The following PTPRR variants were observed in gnomAD, a reference collection of about 807,000 sequenced individuals.
PTPRR encodes the protein protein tyrosine phosphatase receptor type R.
PTPRR carries 38 observed loss-of-function variants against 77.2 expected under a neutral mutation model. That is an observed-to-expected ratio of 0.49 (90% confidence interval 0.38 to 0.65). PTPRR has a LOEUF of 0.65. PTPRR is among the 30% of genes least tolerant of loss of function. The pLI is 0.00. For synonymous variants in PTPRR, 299 were observed against 283.1 expected (o/e 1.06, Z -0.57); for missense variants, 744 against 799.2 (o/e 0.93, Z 0.83).
At chr12:70,654,452 G>A (rs1457617741) in intron 13 of PTPRR, among the ~76,000 whole-genome samples, 1 of 152,056 alleles carries the variant, frequency 6.6e-6, no homozygotes, top group Non-Finnish European at 1.5e-5. Flanking sequence ...GCACACGCTT[G>A]TACTCCCAGG....
chr12:70,818,169 G>T (rs11178443), intron 2 of PTPRR, among the ~76,000 whole-genome samples: 13,599 of 149,728 alleles, frequency 0.091, 1,051 homozygotes, highest in East Asian at 0.41. Flanking sequence ...TTGAAATGCA[G>T]AGGTTGCAGT....
Position 70,701,267 on chromosome 12 carries a change from G to A in PTPRR, c.1064C>T (p.Pro355Leu), listed in dbSNP as rs1338627891. 2.5e-6 allele frequency: 4 copies of A among 1,613,714 alleles called. No homozygotes were observed. The highest frequency in any genetic ancestry group is 2.7e-5 in the African/African-American group (2 of 74,882). Reference sequence around the variant, plus strand: ...CCGTGGTGTTGGTATAGACACAAAGGGTTCAATGTTCCCCAAGCTACTCAT... The same window carrying A: ...CCGTGGTGTTGGTATAGACACAAAGAGTTCAATGTTCCCCAAGCTACTCAT... ...LDMSSLGNIE[P>L]FVSIPTPREK... Residue 355 changes from proline (P) to leucine (L), a missense_variant, in exon 7 of 14, where the codon CCC (proline) becomes CTC (leucine). By Grantham distance (98) the Pro-to-Leu change is moderately conservative. This residue lies in a region of PTPRR where 570 missense variants were observed against 573.2 expected (regional missense o/e 0.99). Coordinates refer to ENST00000283228, the MANE Select transcript of PTPRR (RefSeq NM_002849.4).
At position 70,825,022 on chromosome 12, in the gene PTPRR, C is replaced by T. The variant is rs142442740; in HGVS notation, c.358-60244G>A. ...AAGTTAGGCTGGGCGCGTTGGCTCA[C>T]GCCTGTAATCCCAGCACTTTGGGAG... is the stretch of plus-strand genomic sequence containing the variant. On this transcript the variant is annotated intron_variant, in intron 2 of 13. Transcript: ENST00000283228. 7.1e-3 allele frequency among the ~76,000 whole-genome samples: 1,084 copies of T among 152,258 alleles called. 14 individuals carry two copies. Among genetic ancestry groups the T allele is most frequent in the African/African-American group, 0.025 (1,035 of 41,518 alleles).
At chr12:70,706,643 A>G (rs1244483198) in intron 6 of PTPRR, among the ~76,000 whole-genome samples, 1 of 152,078 alleles carries the variant, frequency 6.6e-6, no homozygotes, top group East Asian at 1.9e-4. Context: ...AAGATGTCTG[A>G]CCTTTTATAT....
intron 6 of PTPRR, among the ~76,000 whole-genome samples, chr12:70,715,259 G>A (rs1297256177): frequency 6.6e-6 from 1 of 152,098 alleles, no homozygotes; most frequent in Non-Finnish European, 1.5e-5. Context: ...CAAAAGGGGA[G>A]GGAGTATACG....
At chr12:70,852,906 C>T (rs983161598) in intron 2 of PTPRR, among the ~76,000 whole-genome samples, 3 of 152,118 alleles carry the variant, frequency 2.0e-5, no homozygotes, top group African/African-American at 7.2e-5. Flanking sequence ...GTGTGCATGC[C>T]TTATGATTTA....
intron 8 of PTPRR, among the ~76,000 whole-genome samples, chr12:70,695,057 C>A (rs552120872): frequency 3.3e-5 from 5 of 152,050 alleles, no homozygotes; most frequent in Non-Finnish European, 7.4e-5. Flanking sequence ...GCCAAGATAA[C>A]ACTGTCATTA....
intron 6 of PTPRR, among the ~76,000 whole-genome samples, chr12:70,731,153 G>T (rs1200493724): frequency 1.9e-5 from 2 of 103,192 alleles, no homozygotes; most frequent in African/African-American, 6.2e-5. Flanking sequence ...GGAAGGAAAA[G>T]AAAGAAAATA....
At chr12:70,772,461 C>A (rs1890999721) in intron 2 of PTPRR, among the ~76,000 whole-genome samples, 1 of 152,102 alleles carries the variant, frequency 6.6e-6, no homozygotes, top group African/African-American at 2.4e-5. Context: ...CAAGTATATT[C>A]TCTATTTTGT....
rs548372502 is a variant in PTPRR at position 70,638,236 on chromosome 12, A to G, written c.*948T>C. 9 of 152,664 alleles carry G rather than the reference A, an allele frequency of 5.9e-5. No homozygotes were observed. The South Asian group carries it at 1.4e-3, about 25-fold the overall frequency. 9.5% of individuals were successfully genotyped at this position (152,664 alleles called of 1,614,324 possible). ...AGCTTTCAGAAATGTAAGGACATAC[A>G]TGGAAATGTCCTTATAAGGAGCCTC... On this transcript the variant is annotated 3_prime_UTR_variant, in exon 14 of 14. Coordinates refer to ENST00000283228, the MANE Select transcript of PTPRR (RefSeq NM_002849.4).
At chr12:70,794,246 CA>C (rs1339712058) in intron 2 of PTPRR, among the ~76,000 whole-genome samples, 1 of 152,180 alleles carries the variant, frequency 6.6e-6, no homozygotes, top group East Asian at 1.9e-4. Context: ...GCCAAAAATA[CA>C]GACCTAATAT....
At chr12:70,887,861 T>C (rs1382964067) in intron 2 of PTPRR, among the ~76,000 whole-genome samples, 1 of 152,104 alleles carries the variant, frequency 6.6e-6, no homozygotes, top group Admixed American at 6.6e-5. Flanking sequence ...GCTTCCTGAA[T>C]GCATTGATTC....
rs776376210 is a variant in PTPRR at position 70,684,127 on chromosome 12, C to T, written c.1497G>A (p.Glu499=). ...TTCAGAACTTGATTAAAGATCATAC[C>T]TCATTTTTTTCTTTGAGTTTTGTGA... ...VMITKLKEKN[E]KCVLYWPEKR... The change falls in exon 10 of 14, where the codon GAG becomes GAA. Residue 499 remains glutamate (E), a splice_region_variant and synonymous_variant. Transcript: ENST00000283228. 4 of 1,613,504 alleles carry T rather than the reference C, an allele frequency of 2.5e-6. No homozygotes were observed. In the South Asian group the frequency reaches 4.4e-5, roughly 18 times the overall value.
chr12:70,915,741 G>A (rs7960703), intron 1 of PTPRR, among the ~76,000 whole-genome samples: 63,261 of 152,018 alleles, frequency 0.42, 14,177 homozygotes, highest in African/African-American at 0.59. Flanking sequence ...TGTTTTGGGG[G>A]CATGTGAGGC....
intron 3 of PTPRR, among the ~76,000 whole-genome samples, 183 bp from the exon 4 acceptor site, chr12:70,761,809 T>A (rs552420888): frequency 6.6e-6 from 1 of 152,228 alleles, no homozygotes; most frequent in Non-Finnish European, 1.5e-5. Context: ...AAGTCTAAAA[T>A]CTTCAAATAG....
intron 2 of PTPRR, among the ~76,000 whole-genome samples, chr12:70,770,809 G>A (rs1175777343): frequency 6.6e-6 from 1 of 152,060 alleles, no homozygotes; most frequent in African/African-American, 2.4e-5. Flanking sequence ...ATACACCACG[G>A]AATACTATGC....
At chr12:70,715,212 C>G (rs1036590625) in intron 6 of PTPRR, among the ~76,000 whole-genome samples, 1 of 151,382 alleles carries the variant, frequency 6.6e-6, no homozygotes, top group Non-Finnish European at 1.5e-5. Flanking sequence ...TGATGCCCCA[C>G]AAGCCGTAAA....
intron 2 of PTPRR, among the ~76,000 whole-genome samples, chr12:70,821,805 C>T (rs1345756326): frequency 6.6e-6 from 1 of 152,118 alleles, no homozygotes; most frequent in Non-Finnish European, 1.5e-5. Flanking sequence ...GCTGGGACTA[C>T]AGGCGCCCGC....
intron 2 of PTPRR, among the ~76,000 whole-genome samples, chr12:70,800,277 T>G (rs1392176263): frequency 6.6e-6 from 1 of 151,822 alleles, no homozygotes; most frequent in Non-Finnish European, 1.5e-5. Flanking sequence ...TCTTTTTTTT[T>G]TTTTGTGCTG....
Sources: allele counts gnomAD v4.1 joint callset (sites outside exome capture counted in the v4.1 genomes callset), GRCh38; gene constraint gnomAD v4.1.1; regional missense constraint gnomAD v4.1.1; transcripts MANE v1.5; gene names NCBI Gene and HGNC (gene_info 2026-07-23, HGNC 2026-07-21).